Variants in C1orf52 observed in about 807,000 individuals in gnomAD.
C1orf52 encodes UPF0690 protein C1orf52.
C1orf52 carries 5 observed loss-of-function variants against 17.2 expected under a neutral mutation model. The ratio of observed to expected loss-of-function variants is 0.29; its 90% CI spans 0.15 to 0.61. C1orf52 has a LOEUF of 0.61. C1orf52 is among the 20% of genes least tolerant of loss of function. The pLI is 0.85. For missense variants in C1orf52, 245 were observed against 234.1 expected (o/e 1.05, Z -0.30); for synonymous variants, 110 against 88.0 (o/e 1.25, Z -1.40).
At position 85,259,661 on chromosome 1, in the gene C1orf52, C is replaced by T; in HGVS notation, c.-28G>A. 1.3e-6 allele frequency: 2 copies of T among 1,485,358 alleles called. No homozygotes were observed. Among genetic ancestry groups the T allele is most frequent in the Non-Finnish European group, 9.0e-7 (1 of 1,114,884 alleles). 92.0% of individuals were successfully genotyped at this position (1,485,358 alleles called of 1,614,324 possible). ...CGGCTGCGAGCGACAACCCAGCACT[C>T]CGCCGGAAGCCGGAAACCGGAAACC... On this transcript the variant is annotated 5_prime_UTR_variant, in exon 1 of 3. Coordinates refer to ENST00000471115, the MANE Select transcript of C1orf52 (RefSeq NM_198077.4).
At chr1:85,256,704 C>T (rs1430109109) in intron 2 of C1orf52, among the ~76,000 whole-genome samples, 1 of 144,276 alleles carries the variant, frequency 6.9e-6, no homozygotes, top group East Asian at 2.1e-4. Context: ...GAGGCTGAGG[C>T]GGGAGAATGG....
rs1407164761 is a variant in C1orf52, at chr1:85,252,746, A to C, written c.476-44T>G. 5 of 1,416,972 alleles carry C rather than the reference A, an allele frequency of 3.5e-6. No individual in the cohort carries two copies. In the South Asian group the frequency reaches 4.8e-5, roughly 14 times the overall value. 87.8% of individuals were successfully genotyped at this position (1,416,972 alleles called of 1,614,324 possible). Reference sequence around the variant, plus strand: ...GAGTTTCAATCAGTAATTTTAAAAAACCCAACATGTTAAGCATTAAAATTT... The same window carrying C: ...GAGTTTCAATCAGTAATTTTAAAAACCCCAACATGTTAAGCATTAAAATTT... On this transcript the variant is annotated intron_variant, in intron 2 of 2. Coordinates refer to ENST00000471115, the MANE Select transcript of C1orf52 (RefSeq NM_198077.4).
rs1659773458 is a variant in C1orf52, at chr1:85,250,428, C to T, written c.*2201G>A. The stretch of plus-strand genomic sequence containing the variant: ...TTCCACTAGCTCAACCAAACTTCAC[C>T]TCAGTACCCACATGGACACTTGTGC... On this transcript the variant is annotated 3_prime_UTR_variant, in exon 3 of 3. Transcript: ENST00000471115. 1 of 152,202 alleles carries T rather than the reference C, an allele frequency of 6.6e-6. No individual in the cohort carries two copies. Among genetic ancestry groups the T allele is most frequent in the Non-Finnish European group, 1.5e-5 (1 of 68,050 alleles). 9.4% of individuals were successfully genotyped at this position (152,202 alleles called of 1,614,324 possible). A position where few individuals can be genotyped will look rare whatever the true frequency, so the allele number is the denominator to read the frequency against.
Position 85,251,278 on chromosome 1 carries a change from T to C in C1orf52, c.*1351A>G, listed in dbSNP as rs1333268369. On this transcript the variant is annotated 3_prime_UTR_variant, in exon 3 of 3. Coordinates refer to ENST00000471115, the MANE Select transcript of C1orf52 (RefSeq NM_198077.4). ...GTTGTCTAGGCTGGTCTCCAACTCTTGGCCTCAAGCTATCCTCCCACCTTG... is the reference window on the plus strand; with the variant it reads ...GTTGTCTAGGCTGGTCTCCAACTCTCGGCCTCAAGCTATCCTCCCACCTTG... 1 of 152,212 alleles carries C rather than the reference T, an allele frequency of 6.6e-6. No homozygotes were observed. The highest frequency in any genetic ancestry group is 2.4e-5 in the African/African-American group (1 of 41,454). 9.4% of individuals were successfully genotyped at this position (152,212 alleles called of 1,614,324 possible).
chr1:85,258,634 A>C lies in C1orf52; in HGVS notation c.365T>G (p.Leu122Arg), dbSNP rs1456322700. 1.2e-6 allele frequency: 2 copies of C among 1,613,882 alleles called. No homozygotes were observed. The highest frequency in any genetic ancestry group is 1.7e-6 in the Non-Finnish European group (2 of 1,179,968). ...GTTAGACCATTTTATTGCCATGTCAAGCTCTGGAGGCGGAGGCTTCTTCTC... is the reference window on the plus strand; with the variant it reads ...GTTAGACCATTTTATTGCCATGTCACGCTCTGGAGGCGGAGGCTTCTTCTC... ...TTEKKPPPPE[L>R]DMAIKWSNIY... is the part of the protein sequence containing the mutation. Residue 122 changes from leucine to arginine, a missense_variant, in exon 2 of 3, where the codon CTT becomes CGT. By Grantham distance (102) the Leu-to-Arg change is moderately radical. Transcript: ENST00000471115.
intron 2 of C1orf52, 84 bp from the exon 3 acceptor site, chr1:85,252,786 C>T: frequency 1.2e-6 from 1 of 828,624 alleles, no homozygotes. Flanking sequence ...GGCTTTATAC[C>T]AAAATTATTA....
intron 2 of C1orf52, among the ~76,000 whole-genome samples, chr1:85,256,185 T>A (rs1659931909): frequency 6.6e-6 from 1 of 152,220 alleles, no homozygotes; most frequent in Non-Finnish European, 1.5e-5. Context: ...TAATAAGGCA[T>A]AATTTCTATT....
chr1:85,253,376 A>T (rs1659849379), intron 2 of C1orf52, among the ~76,000 whole-genome samples: 1 of 152,082 alleles, frequency 6.6e-6, no homozygotes, highest in Non-Finnish European at 1.5e-5. Context: ...CTCTCCTCCA[A>T]AAACAACTTC....
At chr1:85,256,238 AG>A (rs1659932870) in intron 2 of C1orf52, among the ~76,000 whole-genome samples, 1 of 152,214 alleles carries the variant, frequency 6.6e-6, no homozygotes, top group Non-Finnish European at 1.5e-5. Flanking sequence ...TCTCTTCTTT[AG>A]CTGCGTGAAT....
Position 85,252,619 on chromosome 1 carries a change from T to C in C1orf52, c.*10A>G, listed in dbSNP as rs773610794. 23 of 1,611,240 alleles carry C rather than the reference T, an allele frequency of 1.4e-5. No homozygotes were observed. In the East Asian group the frequency reaches 4.9e-4, roughly 34 times the overall value. On this transcript the variant is annotated 3_prime_UTR_variant, in exon 3 of 3. Coordinates refer to ENST00000471115, the MANE Select transcript of C1orf52 (RefSeq NM_198077.4). The stretch of plus-strand genomic sequence containing the variant: ...AAGTTTAGCAGTACAGAAATTCTGG[T>C]CATTTGTTTCTACTTTTTCTTCTTT...
intron 1 of C1orf52, 142 bp from the exon 2 acceptor site, chr1:85,258,864 A>G: frequency 7.0e-7 from 1 of 1,426,996 alleles, no homozygotes; most frequent in Non-Finnish European, 9.1e-7. Flanking sequence ...TTTTTCCATC[A>G]AAATCACAAT....
chr1:85,259,214 G>A (rs1660025499), intron 1 of C1orf52, 144 bp downstream of exon 1: 1 of 1,209,986 alleles, frequency 8.3e-7, no homozygotes. Context: ...AGGTTTCCCA[G>A]GGCTTGAGGT....
chr1:85,251,107 C>T lies in C1orf52; in HGVS notation c.*1522G>A, dbSNP rs897369123. 1.3e-5 allele frequency: 2 copies of T among 152,124 alleles called. No individual in the cohort carries two copies. Among genetic ancestry groups the T allele is most frequent in the Non-Finnish European group, 2.9e-5 (2 of 68,032 alleles). The allele number at this position is 152,124 out of a possible 1,614,324, so 9.4% of individuals were successfully genotyped here. ...AATGACTTTTATGAATTTTAATCTA[C>T]TTGATACACATGCCTAGGTAAACAA... On this transcript the variant is annotated 3_prime_UTR_variant, in exon 3 of 3. Coordinates refer to ENST00000471115, the MANE Select transcript of C1orf52 (RefSeq NM_198077.4).
At chr1:85,259,300 C>G in intron 1 of C1orf52, 58 bp downstream of exon 1, 2 of 1,557,772 alleles carry the variant, frequency 1.3e-6, no homozygotes, top group East Asian at 2.3e-5. Flanking sequence ...GCAGGGGGCT[C>G]AGGAGAAAGG....
chr1:85,258,241 A>T (rs953227772), intron 2 of C1orf52, among the ~76,000 whole-genome samples: 1 of 152,232 alleles, frequency 6.6e-6, no homozygotes, highest in African/African-American at 2.4e-5. Flanking sequence ...ATGCATCATA[A>T]ATCTGACCAC....
intron 1 of C1orf52, chr1:85,259,012 G>A: frequency 7.5e-7 from 1 of 1,341,198 alleles, no homozygotes; most frequent in African/African-American, 1.5e-5. Context: ...TGTCTTGGAG[G>A]CAGCACCGCA....
chr1:85,256,220 C>T (rs922910801), intron 2 of C1orf52, among the ~76,000 whole-genome samples: 2 of 152,226 alleles, frequency 1.3e-5, no homozygotes, highest in African/African-American at 4.8e-5. Flanking sequence ...TGAATGCCTA[C>T]TACTCTGTCT....
intron 2 of C1orf52, chr1:85,257,516 C>A (rs1287426289): frequency 2.8e-6 from 2 of 713,014 alleles, no homozygotes; most frequent in Non-Finnish European, 5.2e-6. Flanking sequence ...GGAGAAAGGG[C>A]CTATTAATAC....
rs1659777227 is a variant in C1orf52, at chr1:85,250,589, AG to A, written c.*2039del. 6.6e-6 allele frequency: 1 copy of A among 152,260 alleles called. No homozygotes were observed. Among genetic ancestry groups the A allele is most frequent in the Non-Finnish European group, 1.5e-5 (1 of 68,060 alleles). 9.4% of individuals were successfully genotyped at this position (152,260 alleles called of 1,614,324 possible). On this transcript the variant is annotated 3_prime_UTR_variant, in exon 3 of 3. Transcript: ENST00000471115. ...GAGTCAGACTTGCTCCAAAATATTT[AG>A]CCTCTTCCCTAAGTCCTGTCTTCCT...
Sources: allele counts gnomAD v4.1 joint callset (sites outside exome capture counted in the v4.1 genomes callset), GRCh38; gene constraint gnomAD v4.1.1; transcripts MANE v1.5; gene names NCBI Gene and HGNC (gene_info 2026-07-23, HGNC 2026-07-21).